ABCA13: variants seen among roughly 807,000 people sequenced by gnomAD.
The protein encoded by ABCA13 is ATP-binding cassette sub-family A member 13.
In ABCA13, 476 loss-of-function variants were observed where a neutral mutation model predicts 478.7. The ratio of observed to expected loss-of-function variants is 0.99; its 90% CI spans 0.92 to 1.07. The LOEUF (loss-of-function observed/expected upper bound fraction) is 1.07, where lower values mean the gene tolerates loss of function less well. Ranked by LOEUF, ABCA13 falls within the 50% of genes least tolerant of loss-of-function variation. The pLI is 0.00. For missense variants in ABCA13, 6,060 were observed against 5,910.6 expected (o/e 1.03, Z -0.83); for synonymous variants, 2,252 against 2,158.9 (o/e 1.04, Z -1.20).
chr7:48,558,161 CCCTCCCTCCCTCCCTT>C (rs1486813610), intron 55 of ABCA13, among the ~76,000 whole-genome samples: 5 of 126,944 alleles, frequency 3.9e-5, no homozygotes, highest in East Asian at 2.9e-4. Context: ...ATCCCTCCCT[CCCTCCCTCCCTCCCTT>C]CCTCCCTTCC....
At chr7:48,197,524 A>G (rs1798092459) in intron 2 of ABCA13, among the ~76,000 whole-genome samples, 1 of 152,062 alleles carries the variant, frequency 6.6e-6, no homozygotes, top group Non-Finnish European at 1.5e-5. Flanking sequence ...GAGCAAAGGG[A>G]GTGAGAAAAG....
intron 1 of ABCA13, among the ~76,000 whole-genome samples, chr7:48,174,948 T>A (rs1459237865): frequency 6.6e-6 from 1 of 152,214 alleles, no homozygotes; most frequent in Non-Finnish European, 1.5e-5. Context: ...ATAACATCAT[T>A]ATGCATGAAG....
At chr7:48,559,746 G>A (rs1417117009) in intron 55 of ABCA13, among the ~76,000 whole-genome samples, 2 of 152,170 alleles carry the variant, frequency 1.3e-5, no homozygotes, top group Admixed American at 6.5e-5. Context: ...TCGTCATCGA[G>A]TGATGAGTCC....
chr7:48,467,001 G>A lies in ABCA13; in HGVS notation c.12861G>A (p.Lys4287=). ...NLDLTRVLLR[K]FRDQDLPCAD... ...ACCTCACCCGTGTGCTTCTGCGGAAGTTTAGAGATCAAGATTTGCCCTGTG... is the reference window on the plus strand; with the variant it reads ...ACCTCACCCGTGTGCTTCTGCGGAAATTTAGAGATCAAGATTTGCCCTGTG... Residue 4287 remains lysine, a synonymous_variant, in exon 44 of 62, where the codon AAG becomes AAA. Coordinates refer to ENST00000435803, the MANE Select transcript of ABCA13 (RefSeq NM_152701.5). 1 of 1,614,008 alleles carries A rather than the reference G, an allele frequency of 6.2e-7. No individual in the cohort carries two copies. The highest frequency in any genetic ancestry group is 1.3e-5 in the African/African-American group (1 of 75,040).
chr7:48,344,514 A>G (rs1433636903), intron 29 of ABCA13, among the ~76,000 whole-genome samples: 1 of 152,252 alleles, frequency 6.6e-6, no homozygotes, highest in Non-Finnish European at 1.5e-5. Context: ...GCTTGGCCCC[A>G]CATTAGTGTA....
chr7:48,547,634 C>A (rs1445202866), intron 55 of ABCA13, among the ~76,000 whole-genome samples: 1 of 151,832 alleles, frequency 6.6e-6, no homozygotes, highest in East Asian at 1.9e-4. Context: ...TCCGTGATGT[C>A]CCAACTTTAC....
At chr7:48,509,164 C>T (rs10231796) in intron 50 of ABCA13, among the ~76,000 whole-genome samples, 3 of 152,078 alleles carry the variant, frequency 2.0e-5, no homozygotes, top group Admixed American at 1.3e-4. Context: ...GAATCTTAAC[C>T]AAGATTGACA....
At chr7:48,452,598 C>T (rs1325362813) in intron 42 of ABCA13, among the ~76,000 whole-genome samples, 3 of 152,140 alleles carry the variant, frequency 2.0e-5, no homozygotes, top group Non-Finnish European at 4.4e-5. Flanking sequence ...CAGCCATTTC[C>T]CTGCTGTACA....
chr7:48,445,851 G>A (rs1364001548), intron 42 of ABCA13, among the ~76,000 whole-genome samples: 1 of 152,092 alleles, frequency 6.6e-6, no homozygotes, highest in Non-Finnish European at 1.5e-5. Flanking sequence ...TTTCTTGCCT[G>A]ACTAACAGAC....
At chr7:48,377,354 G>C (rs17630588) in intron 35 of ABCA13, among the ~76,000 whole-genome samples, 5,880 of 152,082 alleles carry the variant, frequency 0.039, 131 homozygotes, top group Middle Eastern at 0.061. Context: ...CTTTGATGGT[G>C]GTGTATTTTC....
rs760074315 is a variant in ABCA13 at position 48,372,203 on chromosome 7, T to C, written c.10839T>C (p.His3613=). The stretch of plus-strand genomic sequence containing the variant: ...TGATGGGAGTGCATCCAGTGATCCA[T>C]TTCCTGGCCTGGTTCCTGGAGAACA... ...MRMMGVHPVI[H]FLAWFLENMA... is the part of the protein sequence containing the mutation. The change falls in exon 33 of 62, where the codon CAT becomes CAC. Residue 3613 remains histidine (H), a synonymous_variant. Coordinates refer to ENST00000435803, the MANE Select transcript of ABCA13 (RefSeq NM_152701.5). The C allele has an allele frequency of 1.5e-5, 24 of 1,613,652 alleles. No individual in the cohort carries two copies. The South Asian group carries it at 1.9e-4, about 13-fold the overall frequency.
intron 26 of ABCA13, among the ~76,000 whole-genome samples, chr7:48,316,922 C>G (rs1395024328): frequency 1.3e-5 from 2 of 152,124 alleles, no homozygotes; most frequent in African/African-American, 2.4e-5. Context: ...GGATCTGCCC[C>G]CAAGATCTAA....
intron 22 of ABCA13, among the ~76,000 whole-genome samples, chr7:48,297,559 C>T (rs762628798): frequency 5.3e-5 from 8 of 152,164 alleles, no homozygotes; most frequent in Non-Finnish European, 1.0e-4. Context: ...CTTGCCTCCT[C>T]GGACAAGCAA....
rs774033653 is a variant in ABCA13, at chr7:48,372,530, A to C, written c.11133+33A>C. 1.5e-5 allele frequency: 22 copies of C among 1,469,424 alleles called. No individual in the cohort carries two copies. In the South Asian group the frequency reaches 2.3e-4, roughly 15 times the overall value. The allele number at this position is 1,469,424 out of a possible 1,614,324, so 91.0% of individuals were successfully genotyped here. ...AGTTGTTTTGTAAAAAAAAAAAAAA[A>C]AAACAACAAAATTGCAATCTATCTA... On this transcript the variant is annotated intron_variant, in intron 33 of 61. Coordinates refer to ENST00000435803, the MANE Select transcript of ABCA13 (RefSeq NM_152701.5).
intron 55 of ABCA13, among the ~76,000 whole-genome samples, chr7:48,552,241 AT>A: frequency 6.6e-6 from 1 of 151,654 alleles, no homozygotes; most frequent in Middle Eastern, 3.4e-3. Context: ...TTTCTATTTC[AT>A]TGAGGCTGCT....
In ABCA13 at chr7:48,361,414, T is replaced by A. The variant is rs904771914; in HGVS notation, c.10689-6380T>A. ...CTTTTAACATGCTTTTTCCTTATTT[T>A]AAAAATTCATGATGTGCAAGTTATT... On this transcript the variant is annotated intron_variant, in intron 31 of 61. Coordinates refer to ENST00000435803, the MANE Select transcript of ABCA13 (RefSeq NM_152701.5). 1.3e-5 allele frequency among the ~76,000 whole-genome samples: 2 copies of A among 151,878 alleles called. 1 individual carries two copies. The highest frequency in any genetic ancestry group is 4.9e-5 in the African/African-American group (2 of 41,202).
At chr7:48,394,124 C>G (rs1343815662) in intron 38 of ABCA13, among the ~76,000 whole-genome samples, 1 of 152,164 alleles carries the variant, frequency 6.6e-6, no homozygotes, top group African/African-American at 2.4e-5. Context: ...TGCCAACTGC[C>G]CTTCAAGGAC....
intron 38 of ABCA13, among the ~76,000 whole-genome samples, chr7:48,399,631 C>T (rs1458747113): frequency 6.6e-6 from 1 of 152,082 alleles, no homozygotes; most frequent in Non-Finnish European, 1.5e-5. Context: ...GGAGGATATG[C>T]TACAACAAAT....
Position 48,300,626 on chromosome 7 carries a change from T to G in ABCA13, c.9321+2139T>G, listed in dbSNP as rs909214702. The stretch of plus-strand genomic sequence containing the variant: ...TCTGTCAAAAGACCAGAGACAGGAG[T>G]GAGCAGAAGGAGGCAAATGCAGCAG... On this transcript the variant is annotated intron_variant, in intron 23 of 61. Transcript: ENST00000435803. Among the ~76,000 whole-genome samples, 3 of 151,992 alleles carry G rather than the reference T, an allele frequency of 2.0e-5. No homozygotes were observed. The East Asian group carries it at 5.8e-4, about 29-fold the overall frequency.
Sources: gnomAD v4.1 joint callset for allele counts (sites outside exome capture counted in the v4.1 genomes callset) on GRCh38, gnomAD v4.1.1 for gene constraint, MANE v1.5 for transcripts, NCBI Gene and HGNC (gene_info 2026-07-23, HGNC 2026-07-21) for gene names.